HDAC9: variants seen among roughly 807,000 people sequenced by gnomAD.
HDAC9 encodes the protein MEF-2 interacting transcription repressor (MITR) protein.
Under a neutral mutation model 139.4 loss-of-function variants are expected in HDAC9, and 41 were observed. The observed-to-expected ratio is 0.29, with a 90% confidence interval of 0.23 to 0.38. The LOEUF (loss-of-function observed/expected upper bound fraction) is 0.38, where lower values mean the gene tolerates loss of function less well. Ranked by LOEUF, HDAC9 falls within the 10% of genes least tolerant of loss-of-function variation. The probability of loss-of-function intolerance (pLI) is 1.00; values close to 1 mark genes in which losing one functional copy is unlikely to be tolerated. For synonymous variants in HDAC9, 517 were observed against 476.2 expected, an observed-to-expected ratio of 1.09 and a Z score of -1.12; for missense variants, 1,147 against 1,297.0, an observed-to-expected ratio of 0.88 and a Z score of 1.78.
chr7:18,979,166 T>G (rs752561693), intron 25 of HDAC9, among the ~76,000 whole-genome samples: 8 of 152,158 alleles, frequency 5.3e-5, no homozygotes, highest in Non-Finnish European at 7.3e-5. Flanking sequence ...TTATTCAAAG[T>G]CTGACCACTT....
intron 1 of HDAC9, among the ~76,000 whole-genome samples, chr7:18,383,091 T>G (rs1413853202): frequency 2.0e-5 from 3 of 152,196 alleles, no homozygotes; most frequent in Non-Finnish European, 4.4e-5. Flanking sequence ...TAAGGAAACT[T>G]GTAAAGAGAA....
At chr7:18,785,050 T>C (rs1478209031) in intron 16 of HDAC9, among the ~76,000 whole-genome samples, 1 of 152,020 alleles carries the variant, frequency 6.6e-6, no homozygotes, top group Non-Finnish European at 1.5e-5. Flanking sequence ...TTGCCAATGA[T>C]ATTATATAAT....
intron 1 of HDAC9, among the ~76,000 whole-genome samples, chr7:18,410,299 G>A (rs1788425475): frequency 6.6e-6 from 1 of 152,140 alleles, no homozygotes; most frequent in Non-Finnish European, 1.5e-5. Context: ...AGATGAGTGT[G>A]TCATGGAGAA....
At chr7:18,732,957 G>A (rs1230141900) in intron 13 of HDAC9, among the ~76,000 whole-genome samples, 2 of 140,552 alleles carry the variant, frequency 1.4e-5, no homozygotes, top group Non-Finnish European at 1.5e-5. Flanking sequence ...ACGTGTATGT[G>A]TGTGTATGTG....
intron 11 of HDAC9, 73 bp from the exon 12 acceptor site, chr7:18,666,140 A>G: frequency 1.4e-6 from 2 of 1,435,720 alleles, no homozygotes; most frequent in South Asian, 1.4e-5. Context: ...GTTATTAGAA[A>G]TCAAAGTGTA....
At position 18,862,860 on chromosome 7, in the gene HDAC9, C is replaced by G. The variant is rs190201494; in HGVS notation, c.2685-11618C>G. ...TGTAGATTCAGGAGAATGCAATAAA[C>G]AAAACATGGAAAAAATAGAAGCCGT... On this transcript the variant is annotated intron_variant, in intron 21 of 25. Transcript: ENST00000686413. Among the ~76,000 whole-genome samples, 81 of 152,064 alleles carry G rather than the reference C, an allele frequency of 5.3e-4. 2 individuals carry two copies. In the East Asian group the frequency reaches 0.015, roughly 29 times the overall value.
chr7:18,662,883 T>G (rs1394786428), intron 11 of HDAC9, among the ~76,000 whole-genome samples: 6 of 152,090 alleles, frequency 3.9e-5, no homozygotes, highest in African/African-American at 1.4e-4. Context: ...CGTAATTTGT[T>G]TGTTTGTTTC....
intron 14 of HDAC9, among the ~76,000 whole-genome samples, chr7:18,757,668 A>G (rs1304639104): frequency 6.6e-6 from 1 of 152,194 alleles, no homozygotes; most frequent in Non-Finnish European, 1.5e-5. Flanking sequence ...CAGGAGGGAA[A>G]GGAATAGAAC....
chr7:18,721,391 A>G (rs893663016), intron 12 of HDAC9, among the ~76,000 whole-genome samples: 6 of 151,920 alleles, frequency 3.9e-5, no homozygotes, highest in Admixed American at 3.9e-4. Flanking sequence ...GGAAATAAAA[A>G]TTTTTCATAT....
chr7:18,760,706 C>T (rs10237427), intron 14 of HDAC9, among the ~76,000 whole-genome samples: 7,525 of 152,296 alleles, frequency 0.049, 581 homozygotes, highest in African/African-American at 0.17. Context: ...GCTTTAATCA[C>T]TCCCTTCCTG....
chr7:18,942,615 A>G (rs957983373), intron 23 of HDAC9, among the ~76,000 whole-genome samples: 3 of 152,072 alleles, frequency 2.0e-5, no homozygotes, highest in Admixed American at 6.6e-5. Context: ...GAAAATAACT[A>G]TTAGCAATTT....
intron 23 of HDAC9, among the ~76,000 whole-genome samples, chr7:18,943,931 G>C (rs1415165748): frequency 6.6e-6 from 1 of 152,062 alleles, no homozygotes; most frequent in Non-Finnish European, 1.5e-5. Flanking sequence ...GTAGTAACTT[G>C]ATTGTCAATA....
rs1300667259 is a variant in HDAC9, at chr7:18,859,861, T to TGA, written c.2685-14612_2685-14611dup. Among the ~76,000 whole-genome samples the TGA allele has an allele frequency of 1.4e-3, 173 of 119,442 alleles. 3 individuals carry two copies. The highest frequency in any genetic ancestry group is 0.011 in the Admixed American group (119 of 11,292). 78.4% of individuals were successfully genotyped at this position (119,442 alleles called of 152,430 possible). On this transcript the variant is annotated intron_variant, in intron 21 of 25. Coordinates refer to ENST00000686413, the MANE Select transcript of HDAC9 (RefSeq NM_178425.4). ...ATATATATATATATATATATATATG[T>TGA]GAGAGAATGAGAGAGAGAGAAATAT...
At chr7:18,458,591 GT>G (rs1264202711) in intron 1 of HDAC9, among the ~76,000 whole-genome samples, 1 of 152,212 alleles carries the variant, frequency 6.6e-6, no homozygotes, top group Non-Finnish European at 1.5e-5. Context: ...ATGCTACTGT[GT>G]TTTAACTGAT....
At chr7:18,447,194 A>C (rs1383885553) in intron 1 of HDAC9, among the ~76,000 whole-genome samples, 1 of 152,118 alleles carries the variant, frequency 6.6e-6, no homozygotes, top group Admixed American at 6.6e-5. Context: ...TGGTGTGAAA[A>C]CAAAAAATAA....
intron 25 of HDAC9, among the ~76,000 whole-genome samples, chr7:18,989,410 T>C (rs1419592870): frequency 1.3e-5 from 2 of 152,146 alleles, no homozygotes; most frequent in Non-Finnish European, 2.9e-5. Context: ...GTAGAGTTTC[T>C]GCCAAGAGAT....
At chr7:18,317,958 A>G (rs1799772404) in intron 1 of HDAC9, among the ~76,000 whole-genome samples, 1 of 152,224 alleles carries the variant, frequency 6.6e-6, no homozygotes, top group Admixed American at 6.5e-5. Context: ...AAGAGTGGAA[A>G]TGGGAAGAGA....
intron 14 of HDAC9, among the ~76,000 whole-genome samples, chr7:18,759,228 C>T (rs951019931): frequency 6.6e-6 from 1 of 152,118 alleles, no homozygotes; most frequent in African/African-American, 2.4e-5. Flanking sequence ...GGTCCCCAAA[C>T]CCTGGGCCAC....
chr7:18,668,215 T>C (rs889691707), intron 12 of HDAC9: 62 of 902,396 alleles, frequency 6.9e-5, no homozygotes, highest in Non-Finnish European at 8.1e-5. Context: ...TTAAAAGTTT[T>C]CCACATAATG....
Sources: allele counts gnomAD v4.1 joint callset (sites outside exome capture counted in the v4.1 genomes callset), GRCh38; gene constraint gnomAD v4.1.1; transcripts MANE v1.5; gene names NCBI Gene and HGNC (gene_info 2026-07-23, HGNC 2026-07-21).